The following LIN7A variants were observed in gnomAD, a reference collection of about 807,000 sequenced individuals.
LIN7A encodes the protein lin-7 cell polarity scaffold A.
LIN7A carries 25 observed loss-of-function variants against 29.8 expected under a neutral mutation model. That is an observed-to-expected ratio of 0.84 (90% CI 0.61 to 1.17). The LOEUF (loss-of-function observed/expected upper bound fraction) is 1.17. Among genes scored for constraint, LIN7A ranks in the 50% most tolerant of loss-of-function variants. The probability of loss-of-function intolerance (pLI) is 0.00; values close to 1 mark genes in which losing one functional copy is unlikely to be tolerated. For missense variants in LIN7A, 239 were observed against 287.0 expected (o/e 0.83, Z 1.21); for synonymous variants, 118 against 107.5 (o/e 1.10, Z -0.60).
chr12:80,853,350 T>C (rs1255693525), intron 2 of LIN7A, among the ~76,000 whole-genome samples: 1 of 150,974 alleles, frequency 6.6e-6, no homozygotes, highest in Non-Finnish European at 1.5e-5. Flanking sequence ...AAAAAGAAAC[T>C]CTTTGAAAAA....
At chr12:80,847,331 G>A (rs11114635) in intron 3 of LIN7A, among the ~76,000 whole-genome samples, 38,076 of 152,026 alleles carry the variant, frequency 0.25, 7,338 homozygotes, top group African/African-American at 0.54. Context: ...AGCATGACAT[G>A]ATGATAATAA....
intron 5 of LIN7A, among the ~76,000 whole-genome samples, chr12:80,809,400 A>T (rs952077970): frequency 6.6e-6 from 1 of 152,240 alleles, no homozygotes; most frequent in Non-Finnish European, 1.5e-5. Context: ...TTTTCCAAGA[A>T]TATTTGAAGT....
At chr12:80,871,275 A>T (rs1260588429) in intron 2 of LIN7A, among the ~76,000 whole-genome samples, 1 of 152,228 alleles carries the variant, frequency 6.6e-6, no homozygotes, top group East Asian at 1.9e-4. Context: ...AATGGGTAAT[A>T]GGAAATGTCC....
At chr12:80,931,221 C>T (rs1877884558) in intron 1 of LIN7A, among the ~76,000 whole-genome samples, 1 of 152,168 alleles carries the variant, frequency 6.6e-6, no homozygotes, top group Admixed American at 6.5e-5. Flanking sequence ...GACAGGAGCA[C>T]ACCAAATACA....
chr12:80,922,748 AT>A (rs1268786141), intron 1 of LIN7A, among the ~76,000 whole-genome samples: 1 of 152,150 alleles, frequency 6.6e-6, no homozygotes, highest in Non-Finnish European at 1.5e-5. Flanking sequence ...TAAATGGAAA[AT>A]TCTAGAAATG....
Position 80,846,020 on chromosome 12 carries a change from C to G in LIN7A, c.274-81G>C, listed in dbSNP as rs529042334. 8.4e-6 allele frequency: 10 copies of G among 1,185,174 alleles called. No homozygotes were observed. The Admixed American group carries it at 1.2e-4, about 15-fold the overall frequency. The allele number at this position is 1,185,174 out of a possible 1,614,324, so 73.4% of individuals were successfully genotyped here. ...TAATCATATGCTTTGCAGTGGGTAG[C>G]TCAGGCAACTTCTCATATTTTTATA... On this transcript the variant is annotated intron_variant, in intron 3 of 5. Transcript: ENST00000552864.
chr12:80,923,786 T>C (rs548304953), intron 1 of LIN7A, among the ~76,000 whole-genome samples: 2 of 152,334 alleles, frequency 1.3e-5, no homozygotes, highest in South Asian at 4.1e-4. Context: ...TATAGTCTAG[T>C]GGTTAAGCTT....
chr12:80,817,677 T>C (rs943625910), intron 4 of LIN7A, among the ~76,000 whole-genome samples: 3 of 152,270 alleles, frequency 2.0e-5, no homozygotes, highest in African/African-American at 7.2e-5. Flanking sequence ...CAGAACATTA[T>C]ACCTAAAAAG....
chr12:80,801,882 C>T (rs1265980106), intron 5 of LIN7A, among the ~76,000 whole-genome samples: 1 of 151,078 alleles, frequency 6.6e-6, no homozygotes, highest in African/African-American at 2.5e-5. Context: ...CTACTCTCTA[C>T]TTCTATGAGT....
chr12:80,829,368 G>A (rs953209727), intron 4 of LIN7A, among the ~76,000 whole-genome samples: 2 of 152,052 alleles, frequency 1.3e-5, no homozygotes, highest in Non-Finnish European at 1.5e-5. Flanking sequence ...TTTTTCTCCC[G>A]ACATCGTTAA....
chr12:80,896,425 G>C (rs2120697178), intron 1 of LIN7A, among the ~76,000 whole-genome samples: 1 of 152,314 alleles, frequency 6.6e-6, no homozygotes, highest in East Asian at 1.9e-4. Context: ...TACAACGACA[G>C]TGCATGTGTA....
At position 80,842,123 on chromosome 12, in the gene LIN7A, T is replaced by G. The variant is rs1872850762; in HGVS notation, c.483+3607A>C. On this transcript the variant is annotated intron_variant, in intron 4 of 5. Transcript: ENST00000552864. ...GAGTTTCCATCTGTTTTTGACTTCTTAGAAGCTAGGAGGAAAAAATCAATT... is the reference window on the plus strand; with the variant it reads ...GAGTTTCCATCTGTTTTTGACTTCTGAGAAGCTAGGAGGAAAAAATCAATT... 3 of 1,287,080 alleles carry G rather than the reference T, an allele frequency of 2.3e-6. No individual in the cohort carries two copies. In the South Asian group the frequency reaches 3.7e-5, roughly 16 times the overall value. The allele number at this position is 1,287,080 out of a possible 1,614,324, so 79.7% of individuals were successfully genotyped here.
At chr12:80,918,565 C>T (rs967488290) in intron 1 of LIN7A, among the ~76,000 whole-genome samples, 1 of 152,112 alleles carries the variant, frequency 6.6e-6, no homozygotes, top group African/African-American at 2.4e-5. Flanking sequence ...CACACCTCTC[C>T]ATTCCAGCTT....
At chr12:80,852,403 T>C (rs1484997431) in intron 2 of LIN7A, among the ~76,000 whole-genome samples, 1 of 152,116 alleles carries the variant, frequency 6.6e-6, no homozygotes, top group Non-Finnish European at 1.5e-5. Flanking sequence ...TTATTGTGAG[T>C]TTCTCATTCT....
intron 1 of LIN7A, among the ~76,000 whole-genome samples, chr12:80,933,006 C>T (rs1243438969): frequency 6.6e-6 from 1 of 152,166 alleles, no homozygotes; most frequent in African/African-American, 2.4e-5. Context: ...TTATCAGTAT[C>T]TTCTCTTTGT....
intron 4 of LIN7A, among the ~76,000 whole-genome samples, chr12:80,837,240 A>G (rs958422988): frequency 1.3e-5 from 2 of 152,162 alleles, no homozygotes; most frequent in African/African-American, 4.8e-5. Flanking sequence ...AGGACTGGAT[A>G]ATTTCTCAAA....
At chr12:80,918,238 AT>A (rs895048570) in intron 1 of LIN7A, among the ~76,000 whole-genome samples, 2 of 150,848 alleles carry the variant, frequency 1.3e-5, no homozygotes, top group East Asian at 2.0e-4. Context: ...TTATTTTTTA[AT>A]TTTTTTTGTA....
intron 4 of LIN7A, among the ~76,000 whole-genome samples, chr12:80,832,003 A>C (rs1872373094): frequency 1.3e-5 from 2 of 152,226 alleles, no homozygotes; most frequent in African/African-American, 4.8e-5. Context: ...AGAGACAGAC[A>C]GCATTCAGGT....
At chr12:80,829,170 C>A (rs1469901837) in intron 4 of LIN7A, among the ~76,000 whole-genome samples, 2 of 152,014 alleles carry the variant, frequency 1.3e-5, no homozygotes, top group African/African-American at 4.8e-5. Context: ...ATAAGTCCCC[C>A]AAAACAAAAG....
Sources: gnomAD v4.1 joint callset for allele counts (sites outside exome capture counted in the v4.1 genomes callset) on GRCh38, gnomAD v4.1.1 for gene constraint, MANE v1.5 for transcripts, NCBI Gene and HGNC (gene_info 2026-07-23, HGNC 2026-07-21) for gene names.